CYFIP1: variants seen among roughly 807,000 people sequenced by gnomAD.
CYFIP1 encodes the protein cytoplasmic FMR1 interacting protein 1.
A neutral mutation model predicts 163.5 loss-of-function variants in CYFIP1; 58 were observed. The ratio of observed to expected loss-of-function variants is 0.35; its 90% CI spans 0.29 to 0.44. The LOEUF (loss-of-function observed/expected upper bound fraction) is 0.44, where lower values mean the gene tolerates loss of function less well. Ranked by LOEUF, CYFIP1 falls within the 20% of genes least tolerant of loss-of-function variation. The probability of loss-of-function intolerance (pLI) is 1.00; values close to 1 mark genes in which losing one functional copy is unlikely to be tolerated. For missense variants in CYFIP1, 1,338 were observed against 1,653.8 expected (o/e 0.81, Z 3.31); for synonymous variants, 663 against 660.7 (o/e 1.00, Z -0.05).
intron 30 of CYFIP1, among the ~76,000 whole-genome samples, chr15:22,871,346 G>A (rs912593395): frequency 6.6e-6 from 1 of 152,202 alleles, no homozygotes; most frequent in African/African-American, 2.4e-5. Flanking sequence ...CAATAAAACT[G>A]TCAGTTACCA....
rs753700181 is a variant in CYFIP1 at position 22,899,444 on chromosome 15, G to A, written c.2588+4262C>T. Among the ~76,000 whole-genome samples the A allele has an allele frequency of 7.2e-5, 11 of 152,208 alleles. No homozygotes were observed. The East Asian group carries it at 9.6e-4, about 13-fold the overall frequency. ...TTCCCACGTCTCATGAGTGGGACTC[G>A]TTAGGAGGTAACTGAATAATGGGGG... On this transcript the variant is annotated intron_variant, in intron 22 of 30. Coordinates refer to ENST00000617928, the MANE Select transcript of CYFIP1 (RefSeq NM_014608.6).
intron 21 of CYFIP1, among the ~76,000 whole-genome samples, chr15:22,908,831 G>A (rs531652954): frequency 1.8e-4 from 28 of 152,022 alleles, no homozygotes; most frequent in Non-Finnish European, 3.4e-4. Flanking sequence ...GCCAGCCAAA[G>A]TTAAACATTT....
At position 22,867,945 on chromosome 15, in the gene CYFIP1, T is replaced by C. The variant is rs891912820; in HGVS notation, c.*2083A>G. On this transcript the variant is annotated 3_prime_UTR_variant, in exon 31 of 31. Transcript: ENST00000617928. ...TGAACTCCATTCAGCTTTGAACCTA[T>C]CCACTCATAACCATTGACTGGCCTT... 6.6e-6 allele frequency: 1 copy of C among 151,478 alleles called. No individual in the cohort carries two copies. Among genetic ancestry groups the C allele is most frequent in the Non-Finnish European group, 1.5e-5 (1 of 67,630 alleles). 9.4% of individuals were successfully genotyped at this position (151,478 alleles called of 1,614,324 possible).
intron 8 of CYFIP1, among the ~76,000 whole-genome samples, chr15:22,938,102 G>T (rs994267217): frequency 2.0e-5 from 3 of 152,196 alleles, no homozygotes; most frequent in Non-Finnish European, 4.4e-5. Context: ...GTCCCCCAAG[G>T]CCACCCTGCA....
rs369197887 is a variant in CYFIP1 at position 22,935,062 on chromosome 15, G to GA, written c.901-1170dup. Among the ~76,000 whole-genome samples, 8 of 151,930 alleles carry GA rather than the reference G, an allele frequency of 5.3e-5. No homozygotes were observed. In the East Asian group the frequency reaches 7.7e-4, roughly 15 times the overall value. On this transcript the variant is annotated intron_variant, in intron 9 of 30. Coordinates refer to ENST00000617928, the MANE Select transcript of CYFIP1 (RefSeq NM_014608.6). ...ATCAATCCCAGTCAATATTCCAGAA[G>GA]AAAAAAAATGGTTTTGGGGGGATAG...
intron 18 of CYFIP1, among the ~76,000 whole-genome samples, chr15:22,911,463 G>A (rs980648172): frequency 2.6e-5 from 4 of 152,216 alleles, no homozygotes; most frequent in African/African-American, 9.6e-5. Context: ...GCACCACCGA[G>A]GGCCTTCCCT....
intron 1 of CYFIP1, among the ~76,000 whole-genome samples, chr15:22,978,302 A>T (rs989714865): frequency 7.9e-6 from 1 of 125,976 alleles, no homozygotes; most frequent in African/African-American, 3.0e-5. Flanking sequence ...TGGCGAGCCG[A>T]GTTTGCGTCA....
At chr15:22,938,260 T>A (rs1291828083) in intron 8 of CYFIP1, among the ~76,000 whole-genome samples, 1 of 152,226 alleles carries the variant, frequency 6.6e-6, no homozygotes, top group Non-Finnish European at 1.5e-5. Flanking sequence ...ACACAAGGTA[T>A]CAAAGTCCTA....
At chr15:22,921,283 G>A (rs964613939) in intron 13 of CYFIP1, among the ~76,000 whole-genome samples, 1 of 151,998 alleles carries the variant, frequency 6.6e-6, no homozygotes, top group Non-Finnish European at 1.5e-5. Context: ...CAGGAGAACT[G>A]CTTGAAACTG....
chr15:22,947,541 G>A (rs2062101949), intron 1 of CYFIP1, among the ~76,000 whole-genome samples: 1 of 152,128 alleles, frequency 6.6e-6, no homozygotes, highest in Non-Finnish European at 1.5e-5. Context: ...GCCTCCAGGA[G>A]GGTCACAGTA....
chr15:22,924,514 T>C (rs866675252), intron 13 of CYFIP1, among the ~76,000 whole-genome samples: 2 of 152,204 alleles, frequency 1.3e-5, no homozygotes, highest in South Asian at 2.1e-4. Flanking sequence ...TCTACTCATA[T>C]GAAATGCCCA....
intron 23 of CYFIP1, among the ~76,000 whole-genome samples, chr15:22,885,501 G>A (rs1456643406): frequency 6.6e-6 from 1 of 152,172 alleles, no homozygotes; most frequent in Non-Finnish European, 1.5e-5. Context: ...GGGAGGCCGA[G>A]GTGGGTGGAT....
Position 22,879,912 on chromosome 15 carries a change from CCAGGCTCTGCTCGATGAG to C in CYFIP1, c.3025_3042del (p.Leu1009_Leu1014del), listed in dbSNP as rs1375650375. Reference sequence around the variant, plus strand: ...AGGGGCGGCGTTGGGGGGCCACTCACCAGGCTCTGCTCGATGAGCAGGCAGAAGAGGATGGCGTTCCCC... The same window carrying C: ...AGGGGCGGCGTTGGGGGGCCACTCACCAGGCAGAAGAGGATGGCGTTCCCC... On this transcript the variant is annotated inframe_deletion and splice_region_variant, in exon 26 of 31. Transcript: ENST00000617928. 1.2e-6 allele frequency: 2 copies of C among 1,610,732 alleles called. No individual in the cohort carries two copies. The highest frequency in any genetic ancestry group is 1.7e-6 in the Non-Finnish European group (2 of 1,179,624).
intron 28 of CYFIP1, 141 bp downstream of exon 28, chr15:22,874,409 C>T (rs2059525182): frequency 5.2e-6 from 3 of 578,932 alleles, no homozygotes; most frequent in Non-Finnish European, 9.0e-6. Flanking sequence ...TGGTGCACAC[C>T]CCACTTGCAA....
rs766118574 is a variant in CYFIP1, at chr15:22,868,660, T to TAAC, written c.*1365_*1367dup. The TAAC allele has an allele frequency of 3.4e-5, 5 of 146,016 alleles. No homozygotes were observed. The highest frequency in any genetic ancestry group is 4.2e-4 in the South Asian group (2 of 4,722). 9.0% of individuals were successfully genotyped at this position (146,016 alleles called of 1,614,324 possible). ...TGTCACTTGAGTGAGTTTGGCAGTG[T>TAAC]AACAGGATGGTTCGTACACTTACTA... On this transcript the variant is annotated 3_prime_UTR_variant, in exon 31 of 31. Transcript: ENST00000617928.
intron 3 of CYFIP1, among the ~76,000 whole-genome samples, chr15:22,945,729 CCAT>C (rs1421576063): frequency 6.6e-6 from 1 of 150,868 alleles, no homozygotes; most frequent in African/African-American, 2.4e-5. Flanking sequence ...GTGCGCACCA[CCAT>C]GCCTGGTTAA....
chr15:22,924,925 A>G (rs894789512), intron 13 of CYFIP1, among the ~76,000 whole-genome samples: 6 of 152,110 alleles, frequency 3.9e-5, no homozygotes, highest in African/African-American at 1.4e-4. Flanking sequence ...TATAAAAATT[A>G]GCCAGGTGTG....
rs1490965509 is a variant in CYFIP1, at chr15:22,870,123, C to G, written c.3667G>C (p.Asp1223His). ...CCGTCGCCTGACTTCAGGTACTTAT[C>G]CAGGATGGTGATGATCTCATCATTG... ...ILNDEIITILDKYLKSGDGEG... is the reference protein window; with the variant it reads ...ILNDEIITILHKYLKSGDGEG... The change falls in exon 31 of 31, where the codon GAT becomes CAT. Residue 1223 changes from aspartate to histidine, a missense_variant. Coordinates refer to ENST00000617928, the MANE Select transcript of CYFIP1 (RefSeq NM_014608.6). 1 of 1,612,964 alleles carries G rather than the reference C, an allele frequency of 6.2e-7. No individual in the cohort carries two copies.
intron 1 of CYFIP1, among the ~76,000 whole-genome samples, chr15:22,966,218 G>C (rs926412933): frequency 2.6e-5 from 4 of 151,856 alleles, no homozygotes; most frequent in Non-Finnish European, 5.9e-5. Context: ...GCCAGGCGTG[G>C]TGGCGTGGGC....
Sources: gnomAD v4.1 joint callset for allele counts (sites outside exome capture counted in the v4.1 genomes callset) on GRCh38, gnomAD v4.1.1 for gene constraint, MANE v1.5 for transcripts, NCBI Gene and HGNC (gene_info 2026-07-23, HGNC 2026-07-21) for gene names.